Variants in CGNL1 observed in about 807,000 individuals in gnomAD.
The protein encoded by CGNL1 is cingulin-like protein 1.
CGNL1 carries 132 observed loss-of-function variants against 141.2 expected under a neutral mutation model. The observed-to-expected ratio is 0.93, with a 90% confidence interval of 0.81 to 1.08. CGNL1 has a LOEUF of 1.08. Ranked by LOEUF, CGNL1 falls within the 50% of genes least tolerant of loss-of-function variation. CGNL1 has a pLI of 0.00. For synonymous variants in CGNL1, 690 were observed against 622.1 expected, an observed-to-expected ratio of 1.11 and a Z score of -1.63; for missense variants, 1,870 against 1,588.6, an observed-to-expected ratio of 1.18 and a Z score of -3.01.
At chr15:57,414,382 C>G (rs2062825749) in intron 1 of CGNL1, among the ~76,000 whole-genome samples, 2 of 152,214 alleles carry the variant, frequency 1.3e-5, no homozygotes, top group African/African-American at 4.8e-5. Flanking sequence ...CTTGTATTTA[C>G]TCAGTAACAG....
chr15:57,481,211 C>T (rs1478356221), intron 8 of CGNL1, among the ~76,000 whole-genome samples: 7 of 151,892 alleles, frequency 4.6e-5, no homozygotes, highest in African/African-American at 1.5e-4. Context: ...CTGTTTCCCC[C>T]AAATGTAATG....
intron 4 of CGNL1, among the ~76,000 whole-genome samples, chr15:57,447,423 T>C (rs1167920735): frequency 6.6e-6 from 1 of 152,228 alleles, no homozygotes; most frequent in Non-Finnish European, 1.5e-5. Flanking sequence ...ATTGTTTTGC[T>C]TCATGAATTT....
chr15:57,389,467 G>C (rs1200795384), intron 1 of CGNL1, among the ~76,000 whole-genome samples: 1 of 152,202 alleles, frequency 6.6e-6, no homozygotes, highest in Non-Finnish European at 1.5e-5. Flanking sequence ...ATGAATGAAT[G>C]AAATGAGCAG....
At chr15:57,404,815 G>T (rs1176556196) in intron 1 of CGNL1, among the ~76,000 whole-genome samples, 1 of 152,108 alleles carries the variant, frequency 6.6e-6, no homozygotes, top group East Asian at 1.9e-4. Flanking sequence ...ATGTCAAGAG[G>T]GTACTTGGGA....
intron 1 of CGNL1, among the ~76,000 whole-genome samples, chr15:57,383,525 C>G (rs1447234646): frequency 2.0e-5 from 3 of 152,092 alleles, no homozygotes; most frequent in African/African-American, 7.2e-5. Flanking sequence ...GTCTCTATCT[C>G]CTGACCTCGT....
chr15:57,433,497 C>T (rs1325162469), intron 1 of CGNL1, among the ~76,000 whole-genome samples: 1 of 152,230 alleles, frequency 6.6e-6, no homozygotes, highest in African/African-American at 2.4e-5. Flanking sequence ...GGGTTAGACC[C>T]CTCCACCCAA....
intron 1 of CGNL1, among the ~76,000 whole-genome samples, chr15:57,433,154 A>ATAAATACCACACACAAAAAATTTCTTC: frequency 6.6e-6 from 1 of 152,208 alleles, no homozygotes; most frequent in African/African-American, 2.4e-5. Flanking sequence ...TTTAACAAAT[A>ATAAATACCACACACAAAAAATTTCTTC]TGAAGACTTC....
rs150063599 is a variant in CGNL1, at chr15:57,523,848, G to C, written c.2868+207G>C. Among the ~76,000 whole-genome samples, 19 of 152,310 alleles carry C rather than the reference G, an allele frequency of 1.2e-4. No homozygotes were observed. The East Asian group carries it at 3.5e-3, about 28-fold the overall frequency. On this transcript the variant is annotated intron_variant, in intron 11 of 18. Transcript: ENST00000281282. ...AAAACATTAATGCCAGTACCCTCTG[G>C]ATTCTGGGCACCAGAATCACCTCTT...
intron 14 of CGNL1, among the ~76,000 whole-genome samples, chr15:57,539,986 AAGCACAATAAATCTGTG>A (rs1394236779): frequency 6.6e-6 from 1 of 152,132 alleles, no homozygotes; most frequent in African/African-American, 2.4e-5. Flanking sequence ...TTGCTTTCCT[AAGCACAATAAATCTGTG>A]AGCAGCTGTC....
intron 16 of CGNL1, 122 bp from the exon 17 acceptor site, chr15:57,545,470 G>A (rs1401210312): frequency 2.3e-5 from 17 of 734,942 alleles, no homozygotes; most frequent in Non-Finnish European, 3.8e-5. Context: ...GTGTTTCCCT[G>A]ACCCTAAGCC....
chr15:57,493,654 C>T (rs150303884), intron 8 of CGNL1, among the ~76,000 whole-genome samples: 60 of 152,256 alleles, frequency 3.9e-4, no homozygotes, highest in African/African-American at 1.3e-3. Flanking sequence ...TCTGGATGAT[C>T]GTAAGCTCCA....
chr15:57,466,637 C>T (rs1238934513), intron 8 of CGNL1, among the ~76,000 whole-genome samples: 1 of 152,030 alleles, frequency 6.6e-6, no homozygotes, highest in African/African-American at 2.4e-5. Flanking sequence ...GTGCTTGGTA[C>T]TTAATAGATG....
intron 14 of CGNL1, among the ~76,000 whole-genome samples, chr15:57,538,087 G>A (rs376147468): frequency 1.3e-5 from 2 of 152,232 alleles, no homozygotes. Context: ...AAGTCAAGGG[G>A]CCTAGTCCTG....
At chr15:57,545,522 C>T in intron 16 of CGNL1, 70 bp from the exon 17 acceptor site, 1 of 1,434,618 alleles carries the variant, frequency 7.0e-7, no homozygotes. Context: ...TCCCCTCCTC[C>T]ACAGCCTAGG....
At chr15:57,529,217 A>G (rs2031805591) in intron 13 of CGNL1, among the ~76,000 whole-genome samples, 1 of 152,060 alleles carries the variant, frequency 6.6e-6, no homozygotes, top group African/African-American at 2.4e-5. Context: ...ATCATTCTTC[A>G]TTTGCCACAC....
intron 8 of CGNL1, among the ~76,000 whole-genome samples, chr15:57,477,186 G>T (rs2063667279): frequency 6.6e-6 from 1 of 152,124 alleles, no homozygotes; most frequent in Non-Finnish European, 1.5e-5. Context: ...TGGGGACAAA[G>T]AAGTCAAGCA....
intron 1 of CGNL1, among the ~76,000 whole-genome samples, chr15:57,396,334 A>G (rs7496966): frequency 0.58 from 85,950 of 148,274 alleles, 25,146 homozygotes; most frequent in African/African-American, 0.62. Flanking sequence ...GAGTACAGTG[A>G]TGTGATCTCA....
rs1469903572 is a variant in CGNL1 at position 57,547,456 on chromosome 15, T to A, written c.3875T>A (p.Phe1292Tyr). The change falls in exon 19 of 19, where the codon TTC becomes TAC. Residue 1292 changes from phenylalanine (F) to tyrosine (Y), a missense_variant. By Grantham distance (22) the Phe-to-Tyr change is conservative (BLOSUM62 3). Coordinates refer to ENST00000281282, the MANE Select transcript of CGNL1 (RefSeq NM_032866.5). ...SLYEAPVSYT[F>Y]SKDSTVASQI ...TATGAGGCGCCTGTGAGCTACACAT[T>A]CTCCAAGGACAGCACCGTCGCCAGC... The A allele has an allele frequency of 2.5e-6, 4 of 1,613,998 alleles. No homozygotes were observed. The highest frequency in any genetic ancestry group is 1.3e-5 in the African/African-American group (1 of 74,912).
chr15:57,381,336 G>A (rs1257192852), intron 1 of CGNL1, among the ~76,000 whole-genome samples: 1 of 152,174 alleles, frequency 6.6e-6, no homozygotes, highest in Non-Finnish European at 1.5e-5. Context: ...GAGGCAGGTG[G>A]ATCCCTTGAG....
Sources: allele counts gnomAD v4.1 joint callset (sites outside exome capture counted in the v4.1 genomes callset), GRCh38; gene constraint gnomAD v4.1.1; transcripts MANE v1.5; gene names NCBI Gene and HGNC (gene_info 2026-07-23, HGNC 2026-07-21).